The following SGCD variants were observed in gnomAD, a reference collection of about 807,000 sequenced individuals.
SGCD encodes the protein delta-sarcoglycan.
A neutral mutation model predicts 36.6 loss-of-function variants in SGCD; 18 were observed. The ratio of observed to expected loss-of-function variants is 0.49; its 90% confidence interval spans 0.34 to 0.73. SGCD has a LOEUF of 0.73. SGCD is among the 30% of genes least tolerant of loss of function. The pLI, the probability that SGCD is intolerant of heterozygous loss-of-function variation, is 0.01. For missense variants in SGCD, 387 were observed against 346.7 expected, an observed-to-expected ratio of 1.12 and a Z score of -0.92; for synonymous variants, 133 against 130.6, an observed-to-expected ratio of 1.02 and a Z score of -0.12.
intron 1 of SGCD, among the ~76,000 whole-genome samples, chr5:155,894,288 T>A (rs975092122): frequency 6.6e-6 from 1 of 152,222 alleles, no homozygotes; most frequent in African/African-American, 2.4e-5. Flanking sequence ...TATGGTTTCA[T>A]CAGTAGGCAA....
At chr5:155,804,877 G>A in the SGCD span, among the ~76,000 whole-genome samples, 4 of 152,172 alleles carry the variant, frequency 2.6e-5, no homozygotes, top group Non-Finnish European at 4.4e-5. Context: ...CCAGACATGT[G>A]TAGGTTGAAC....
At chr5:156,507,844 TA>T (rs1756768478) in intron 3 of SGCD, among the ~76,000 whole-genome samples, 1 of 152,194 alleles carries the variant, frequency 6.6e-6, no homozygotes, top group African/African-American at 2.4e-5. Flanking sequence ...GTAAGGAACT[TA>T]ATTCAAATAA....
rs549298648 is a variant in SGCD, at chr5:156,053,747, A to G, written c.-281-64131A>G. Among the ~76,000 whole-genome samples the G allele has an allele frequency of 2.7e-5, 4 of 146,658 alleles. 1 individual carries two copies. Among genetic ancestry groups the G allele is most frequent in the South Asian group, 2.2e-4 (1 of 4,642 alleles). On this transcript the variant is annotated intron_variant, in intron 1 of 9. Transcript: ENST00000517913. ...GATACCTTAGTGCATTCAGGCTGCT[A>G]TAACAAAATACTTTAAGCTGGGTAG...
In SGCD at chr5:155,942,670, CAAAT is replaced by C. The variant is rs1757352316; in HGVS notation, c.-282+72249_-282+72252del. Among the ~76,000 whole-genome samples, 3 of 151,902 alleles carry C rather than the reference CAAAT, an allele frequency of 2.0e-5. No individual in the cohort carries two copies. The South Asian group carries it at 6.2e-4, about 32-fold the overall frequency. ...AAAGTCAAGTGTTGGCTAAAATAAA[CAAAT>C]AACAATGACAGAAACAGATTTCAGA... On this transcript the variant is annotated intron_variant, in intron 1 of 9. Transcript: ENST00000517913.
chr5:156,273,794 G>A (rs887014601), intron 3 of SGCD, among the ~76,000 whole-genome samples: 9 of 152,102 alleles, frequency 5.9e-5, no homozygotes, highest in African/African-American at 1.7e-4. Context: ...GAGAAAAAAC[G>A]ATGAACACTT....
intron 3 of SGCD, among the ~76,000 whole-genome samples, chr5:156,304,076 AG>A (rs1554091418): frequency 6.6e-6 from 1 of 152,076 alleles, no homozygotes; most frequent in Non-Finnish European, 1.5e-5. Context: ...CTGCCTTTCA[AG>A]TTTACTTTGG....
At chr5:156,738,511 A>G (rs1024195632) in intron 7 of SGCD, 7 of 152,228 alleles carry the variant, frequency 4.6e-5, no homozygotes, top group African/African-American at 1.7e-4. Flanking sequence ...GAATCTGTCA[A>G]GCTTTTCCTC....
chr5:156,366,610 T>C (rs1052695817), intron 3 of SGCD, among the ~76,000 whole-genome samples: 1 of 152,144 alleles, frequency 6.6e-6, no homozygotes. Flanking sequence ...GGATGGAGAA[T>C]GAGCTATAGA....
chr5:155,890,042 A>T (rs1756087641), intron 1 of SGCD, among the ~76,000 whole-genome samples: 1 of 152,204 alleles, frequency 6.6e-6, no homozygotes, highest in South Asian at 2.1e-4. Flanking sequence ...GCAGATTCTA[A>T]GACTCCAGGT....
chr5:156,639,440 T>G lies in SGCD; in HGVS notation c.503-8024T>G, dbSNP rs189061788. Among the ~76,000 whole-genome samples the G allele has an allele frequency of 9.3e-4, 142 of 152,318 alleles. 1 individual carries two copies. The East Asian group carries it at 0.026, about 28-fold the overall frequency. ...GCCTGTGTTCAGGCAACTGAACACA[T>G]GCACCTCTGTGCAGCCTGTGCCACG... On this transcript the variant is annotated intron_variant, in intron 6 of 8. Coordinates refer to ENST00000337851, the MANE Select transcript of SGCD (RefSeq NM_000337.6).
chr5:156,372,368 C>T (rs1353938271), intron 3 of SGCD, among the ~76,000 whole-genome samples: 2 of 152,128 alleles, frequency 1.3e-5, no homozygotes, highest in Non-Finnish European at 2.9e-5. Context: ...AAGAGATGGC[C>T]TGTAGTCATC....
intron 3 of SGCD, among the ~76,000 whole-genome samples, chr5:156,356,614 G>A (rs1034602984): frequency 6.6e-6 from 1 of 152,162 alleles, no homozygotes; most frequent in East Asian, 1.9e-4. Context: ...CTTCATGGGG[G>A]AATTGCAAAG....
intron 3 of SGCD, among the ~76,000 whole-genome samples, chr5:156,489,931 A>G (rs1274134547): frequency 3.3e-5 from 5 of 152,024 alleles, no homozygotes; most frequent in Admixed American, 3.3e-4. Flanking sequence ...TAAAGTAAAA[A>G]ATCTGATTTT....
chr5:156,756,008 C>G (rs1230106087), intron 7 of SGCD, among the ~76,000 whole-genome samples: 1 of 152,050 alleles, frequency 6.6e-6, no homozygotes, highest in African/African-American at 2.4e-5. Context: ...TACTGAGGCC[C>G]AAGAGGCTTT....
chr5:155,937,519 G>A (rs1424209128), intron 1 of SGCD, among the ~76,000 whole-genome samples: 1 of 152,254 alleles, frequency 6.6e-6, no homozygotes, highest in Non-Finnish European at 1.5e-5. Flanking sequence ...GAGAAAGGAA[G>A]AGAAAAGGCC....
chr5:155,871,921 G>A (rs545732801), intron 1 of SGCD, among the ~76,000 whole-genome samples: 2 of 152,322 alleles, frequency 1.3e-5, no homozygotes, highest in East Asian at 3.9e-4. Context: ...GAAGCATGGA[G>A]GATGAGTTGG....
chr5:156,474,411 G>A (rs911713110), intron 3 of SGCD, among the ~76,000 whole-genome samples: 2 of 152,180 alleles, frequency 1.3e-5, no homozygotes, highest in Admixed American at 6.5e-5. Flanking sequence ...CTGAGGCCTG[G>A]CTGCTGACGC....
At chr5:156,073,264 A>G (rs1363185075) in intron 1 of SGCD, among the ~76,000 whole-genome samples, 1 of 152,066 alleles carries the variant, frequency 6.6e-6, no homozygotes, top group East Asian at 1.9e-4. Flanking sequence ...CCCCTCTATT[A>G]TATCATACTC....
intron 3 of SGCD, among the ~76,000 whole-genome samples, chr5:156,318,111 A>G (rs748944438): frequency 2.0e-5 from 3 of 152,234 alleles, no homozygotes; most frequent in Non-Finnish European, 2.9e-5. Flanking sequence ...TCTATCTCTC[A>G]ATGATAGACT....
Sources: gnomAD v4.1 joint callset for allele counts (sites outside exome capture counted in the v4.1 genomes callset) on GRCh38, gnomAD v4.1.1 for gene constraint, MANE v1.5 for transcripts, NCBI Gene and HGNC (gene_info 2026-07-23, HGNC 2026-07-21) for gene names.